The following PPP2R2C variants were observed in gnomAD, a reference collection of about 807,000 sequenced individuals.
PPP2R2C encodes the protein protein phosphatase 2 regulatory subunit Bgamma, also known as protein phosphatase 2, regulatory subunit B, gamma.
Under a neutral mutation model 45.3 loss-of-function variants are expected in PPP2R2C, and 10 were observed. That is an observed-to-expected ratio of 0.22 (90% CI 0.14 to 0.37). The LOEUF (loss-of-function observed/expected upper bound fraction) is 0.37. Ranked by LOEUF, PPP2R2C falls within the 10% of genes least tolerant of loss-of-function variation. PPP2R2C has a pLI of 1.00. For synonymous variants in PPP2R2C, 257 were observed against 245.4 expected, an observed-to-expected ratio of 1.05 and a Z score of -0.44; for missense variants, 308 against 619.7, an observed-to-expected ratio of 0.50 and a Z score of 5.34.
At chr4:6,473,083 A>G (rs112567363), upstream of PPP2R2C, among the ~76,000 whole-genome samples, 393 of 152,176 alleles carry the variant, frequency 2.6e-3, 2 homozygotes, top group African/African-American at 8.9e-3. Flanking sequence ...CGTTGGGAGC[A>G]TTAAGTACAT....
At chr4:6,503,711 C>G (rs753410314) in intron 2 of PPP2R2C, among the ~76,000 whole-genome samples, 2 of 151,832 alleles carry the variant, frequency 1.3e-5, no homozygotes, top group African/African-American at 4.8e-5. Context: ...CAGACAAAAA[C>G]CTGTAAGCAA....
intron 1 of PPP2R2C, among the ~76,000 whole-genome samples, chr4:6,427,584 T>G (rs964920079): frequency 6.6e-6 from 1 of 152,234 alleles, no homozygotes; most frequent in African/African-American, 2.4e-5. Context: ...GCCTTCTTCT[T>G]GCCCTCCTCA....
intron 1 of PPP2R2C, among the ~76,000 whole-genome samples, chr4:6,425,845 T>C (rs1198032080): frequency 6.6e-6 from 1 of 151,744 alleles, no homozygotes; most frequent in Non-Finnish European, 1.5e-5. Flanking sequence ...GTGGTGTGTG[T>C]GTTATGTGTG....
chr4:6,380,889 C>T (rs1368276736), intron 2 of PPP2R2C, 108 bp downstream of exon 2: 12 of 1,422,042 alleles, frequency 8.4e-6, no homozygotes, highest in Middle Eastern at 5.2e-4. Context: ...CACCTCTCAC[C>T]GCATCACCCC....
chr4:6,551,338 T>C (rs1009225537), intron 1 of PPP2R2C, among the ~76,000 whole-genome samples: 2 of 152,164 alleles, frequency 1.3e-5, no homozygotes, highest in Non-Finnish European at 2.9e-5. Context: ...GTGATATTTG[T>C]AGAATGAATG....
At chr4:6,495,571 G>A (rs1722855236) in intron 2 of PPP2R2C, among the ~76,000 whole-genome samples, 3 of 152,230 alleles carry the variant, frequency 2.0e-5, no homozygotes, top group Admixed American at 2.0e-4. Context: ...CCCATGCTCT[G>A]GCAGTGATTC....
intron 4 of PPP2R2C, among the ~76,000 whole-genome samples, 195 bp downstream of exon 4, chr4:6,375,624 A>G (rs770172496): frequency 3.3e-5 from 5 of 152,246 alleles, no homozygotes; most frequent in Admixed American, 1.3e-4. Context: ...AGCCTAGAAG[A>G]AACGTGGTCA....
rs117009049 is a variant in PPP2R2C, at chr4:6,362,912, T to C, written c.625+9611A>G. On this transcript the variant is annotated intron_variant, in intron 5 of 8. Transcript: ENST00000382599. The stretch of plus-strand genomic sequence containing the variant: ...CTTTCCCCTTTGACTTTGGGTAGAT[T>C]ACTGAAACTTACTGTGGCTTTGTTT... 1.1e-4 allele frequency among the ~76,000 whole-genome samples: 16 copies of C among 152,308 alleles called. No individual in the cohort carries two copies. The East Asian group carries it at 2.7e-3, about 26-fold the overall frequency.
intron 1 of PPP2R2C, among the ~76,000 whole-genome samples, chr4:6,549,030 A>G (rs1426109133): frequency 6.6e-6 from 1 of 152,198 alleles, no homozygotes. Context: ...CCATTGGCTC[A>G]GTTCCTCCCA....
intron 1 of PPP2R2C, among the ~76,000 whole-genome samples, chr4:6,437,950 C>G (rs1249935461): frequency 2.0e-5 from 3 of 152,178 alleles, no homozygotes; most frequent in Non-Finnish European, 4.4e-5. Flanking sequence ...TGTTTTTATT[C>G]CTTCAGTCTT....
chr4:6,458,427 A>G (rs4404623), intron 1 of PPP2R2C, among the ~76,000 whole-genome samples: 53,377 of 152,114 alleles, frequency 0.35, 9,714 homozygotes, highest in Middle Eastern at 0.43. Flanking sequence ...GCGTCCTCAC[A>G]TGACAGAAGG....
chr4:6,391,761 G>A (rs1716661860), intron 1 of PPP2R2C, among the ~76,000 whole-genome samples: 1 of 152,238 alleles, frequency 6.6e-6, no homozygotes, highest in African/African-American at 2.4e-5. Flanking sequence ...GAAGCCCTGG[G>A]TGGGGCTGGA....
intron 1 of PPP2R2C, among the ~76,000 whole-genome samples, chr4:6,456,985 A>G (rs1418234268): frequency 1.3e-5 from 2 of 152,166 alleles, no homozygotes; most frequent in Admixed American, 1.3e-4. Flanking sequence ...AGGCGGGCAG[A>G]TCACCTGAGG....
intron 1 of PPP2R2C, among the ~76,000 whole-genome samples, chr4:6,454,481 C>T (rs1363051171): frequency 1.3e-5 from 2 of 152,124 alleles, no homozygotes; most frequent in African/African-American, 2.4e-5. Context: ...AGACTGCACG[C>T]TGGAGAGGGG....
chr4:6,355,123 G>A (rs11731119), intron 5 of PPP2R2C, among the ~76,000 whole-genome samples: 123 of 152,188 alleles, frequency 8.1e-4, no homozygotes, highest in Non-Finnish European at 7.5e-4. Flanking sequence ...TGTCCCCAGC[G>A]AGGGCAGGGA....
At chr4:6,452,496 C>G (rs941102346) in intron 1 of PPP2R2C, among the ~76,000 whole-genome samples, 1 of 152,192 alleles carries the variant, frequency 6.6e-6, no homozygotes, top group African/African-American at 2.4e-5. Flanking sequence ...CTGGCATTTG[C>G]GGCCCCAAGA....
At chr4:6,369,784 G>A (rs952055998) in intron 5 of PPP2R2C, among the ~76,000 whole-genome samples, 1 of 152,166 alleles carries the variant, frequency 6.6e-6, no homozygotes, top group African/African-American at 2.4e-5. Flanking sequence ...CTGGGCTACA[G>A]CAAGGATGAC....
chr4:6,516,705 T>A (rs564395007), intron 2 of PPP2R2C, among the ~76,000 whole-genome samples: 20 of 152,370 alleles, frequency 1.3e-4, no homozygotes, highest in African/African-American at 4.8e-4. Flanking sequence ...GCCTGCACTT[T>A]ACTTTTCTAC....
intron 1 of PPP2R2C, among the ~76,000 whole-genome samples, chr4:6,414,291 A>G (rs1367752959): frequency 6.6e-6 from 1 of 152,156 alleles, no homozygotes; most frequent in East Asian, 1.9e-4. Context: ...TACTTCCTAC[A>G]TGTACGAAAG....
Sources: gnomAD v4.1 joint callset for allele counts (sites outside exome capture counted in the v4.1 genomes callset) on GRCh38, gnomAD v4.1.1 for gene constraint, MANE v1.5 for transcripts, NCBI Gene and HGNC (gene_info 2026-07-23, HGNC 2026-07-21) for gene names.